FCAR: variants seen among roughly 807,000 people sequenced by gnomAD.
FCAR encodes the protein Fc alpha receptor.
Under a neutral mutation model 27.1 loss-of-function variants are expected in FCAR, and 21 were observed. That is an observed-to-expected ratio of 0.77 (90% confidence interval 0.55 to 1.11). The LOEUF is 1.11. Among genes scored for constraint, FCAR ranks in the 50% most tolerant of loss-of-function variants. The pLI is 0.00. For synonymous variants in FCAR, 134 were observed against 135.8 expected (o/e 0.99, Z 0.09); for missense variants, 404 against 358.4 (o/e 1.13, Z -1.03).
At chr19:54,885,171 A>G in intron 2 of FCAR, 64 bp from the exon 3 acceptor site, 1 of 1,378,732 alleles carries the variant, frequency 7.3e-7, no homozygotes, top group Non-Finnish European at 1.0e-6. Flanking sequence ...CTTCTCCCAC[A>G]GAGAAGGAAA....
chr19:54,887,412 G>A (rs937319789), intron 3 of FCAR, among the ~76,000 whole-genome samples: 1 of 152,160 alleles, frequency 6.6e-6, no homozygotes, highest in Non-Finnish European at 1.5e-5. Context: ...CCTGAGGTCA[G>A]GGATTCAAGA....
rs2065973207 is a variant in FCAR, at chr19:54,874,298, C to A, written c.9C>A (p.Pro3=). 1 of 1,613,996 alleles carries A rather than the reference C, an allele frequency of 6.2e-7. No individual in the cohort carries two copies. Among genetic ancestry groups the A allele is most frequent in the Admixed American group, 1.7e-5 (1 of 60,002 alleles). Residue 3 remains proline (P), a synonymous_variant, in exon 1 of 5, where the codon CCC becomes CCA. Coordinates refer to ENST00000355524, the MANE Select transcript of FCAR (RefSeq NM_002000.4). MD[P]KQTTLLCLVL... is the part of the protein sequence containing the mutation. The stretch of plus-strand genomic sequence containing the variant: ...GAGGCCGTGTCAGCACGATGGACCC[C>A]AAACAGACCACCCTCCTGTGTCTTG...
chr19:54,887,944 T>G (rs7258679), intron 3 of FCAR, 63 bp from the exon 4 acceptor site: 657,917 of 1,172,226 alleles, frequency 0.56, 190,177 homozygotes, highest in Admixed American at 0.67. Context: ...ATAACAATAA[T>G]AAGAAGAAGA....
chr19:54,877,779 T>C (rs2066177163), intron 2 of FCAR, among the ~76,000 whole-genome samples: 1 of 152,282 alleles, frequency 6.6e-6, no homozygotes, highest in Admixed American at 6.5e-5. Flanking sequence ...TCCCAGAGAT[T>C]CTGCTATATT....
intron 2 of FCAR, among the ~76,000 whole-genome samples, chr19:54,879,036 G>A (rs1316277205): frequency 7.3e-6 from 1 of 137,656 alleles, no homozygotes; most frequent in Admixed American, 7.5e-5. Context: ...GTACCACCAC[G>A]CCCAGCTATT....
chr19:54,874,414 T>C, intron 1 of FCAR, 91 bp downstream of exon 1: 5 of 1,279,434 alleles, frequency 3.9e-6, no homozygotes, highest in African/African-American at 1.5e-5. Flanking sequence ...TAGGAGATTT[T>C]AGTGGCTGCC....
intron 2 of FCAR, among the ~76,000 whole-genome samples, chr19:54,883,602 A>G (rs587683362): frequency 5.9e-5 from 9 of 152,260 alleles, no homozygotes; most frequent in Admixed American, 3.9e-4. Flanking sequence ...TAACGTGGTG[A>G]GTCCTTCTCA....
intron 2 of FCAR, among the ~76,000 whole-genome samples, chr19:54,876,436 C>T (rs1569530381): frequency 6.6e-6 from 1 of 152,134 alleles, no homozygotes; most frequent in East Asian, 1.9e-4. Context: ...CCAGCTTTTG[C>T]CCATTCAATA....
At chr19:54,883,456 G>A (rs587739422) in intron 2 of FCAR, among the ~76,000 whole-genome samples, 1 of 152,226 alleles carries the variant, frequency 6.6e-6, no homozygotes, top group South Asian at 2.1e-4. Flanking sequence ...GGCATGGTGG[G>A]CAGACAGGCT....
chr19:54,889,371 C>CAAAAA (rs764886901), intron 4 of FCAR, among the ~76,000 whole-genome samples: 3 of 77,630 alleles, frequency 3.9e-5, no homozygotes, highest in Non-Finnish European at 5.0e-5. Context: ...GACTCCATCT[C>CAAAAA]AAAAAAAAAA....
intron 3 of FCAR, among the ~76,000 whole-genome samples, chr19:54,886,608 C>T (rs911684591): frequency 4.0e-5 from 6 of 151,540 alleles, no homozygotes; most frequent in African/African-American, 7.3e-5. Context: ...GCCCGGCCCC[C>T]GAAAATGCTG....
rs139637536 is a variant in FCAR, at chr19:54,888,795, C to T, written c.649+501C>T. On this transcript the variant is annotated intron_variant, in intron 4 of 4. Coordinates refer to ENST00000355524, the MANE Select transcript of FCAR (RefSeq NM_002000.4). ...TGCTGGGATTACAGGCGTGAGCCAC[C>T]GCGCCTGGCCAGGCTGCACACATTC... is the stretch of plus-strand genomic sequence containing the variant. 787 of 995,166 alleles carry T rather than the reference C, an allele frequency of 7.9e-4. 4 individuals carry two copies. The East Asian group carries it at 0.023, about 29-fold the overall frequency. The allele number at this position is 995,166 out of a possible 1,614,324, so 61.6% of individuals were successfully genotyped here.
intron 2 of FCAR, among the ~76,000 whole-genome samples, chr19:54,884,226 T>G (rs1373633328): frequency 6.6e-6 from 1 of 152,226 alleles, no homozygotes. Context: ...GCCATCTCAC[T>G]GCTCCCACGC....
intron 2 of FCAR, among the ~76,000 whole-genome samples, chr19:54,883,718 G>A (rs1250508879): frequency 6.6e-6 from 1 of 152,112 alleles, no homozygotes; most frequent in Non-Finnish European, 1.5e-5. Flanking sequence ...ACTTTAGGAG[G>A]CCGAGATGGG....
intron 3 of FCAR, among the ~76,000 whole-genome samples, 169 bp downstream of exon 3, chr19:54,885,694 G>C (rs975038808): frequency 3.3e-5 from 5 of 152,216 alleles, no homozygotes; most frequent in African/African-American, 1.2e-4. Flanking sequence ...TCTTACATTA[G>C]TATGGCACAT....
In FCAR at chr19:54,889,631, C is replaced by T. The variant is rs1449208704; in HGVS notation, c.650-18C>T. Reference sequence around the variant, plus strand: ...AACACAACCACCAACCATTCATCTCCTTGAATTGTGTCTCCAGACTCCATC... The same window carrying T: ...AACACAACCACCAACCATTCATCTCTTTGAATTGTGTCTCCAGACTCCATC... On this transcript the variant is annotated intron_variant, in intron 4 of 4. Coordinates refer to ENST00000355524, the MANE Select transcript of FCAR (RefSeq NM_002000.4). 1.9e-6 allele frequency: 3 copies of T among 1,601,194 alleles called. No homozygotes were observed. The highest frequency in any genetic ancestry group is 2.6e-6 in the Non-Finnish European group (3 of 1,168,344).
At position 54,890,165 on chromosome 19, in the gene FCAR, G is replaced by A; in HGVS notation, c.*302G>A. 2.5e-6 allele frequency: 1 copy of A among 392,928 alleles called. No homozygotes were observed. The highest frequency in any genetic ancestry group is 4.7e-6 in the Non-Finnish European group (1 of 212,034). 24.3% of individuals were successfully genotyped at this position (392,928 alleles called of 1,614,324 possible). On this transcript the variant is annotated 3_prime_UTR_variant, in exon 5 of 5. Transcript: ENST00000355524. ...GATGGGGTTTCACTGTGTTGGCCAG[G>A]CTGGTCTCGAACTCCTGACCTCAGG...
intron 1 of FCAR, among the ~76,000 whole-genome samples, chr19:54,875,068 G>A (rs981109427): frequency 1.3e-5 from 2 of 151,996 alleles, no homozygotes; most frequent in East Asian, 1.9e-4. Flanking sequence ...CTACTCGTGC[G>A]GCTGAGGCAG....
At position 54,885,963 on chromosome 19, in the gene FCAR, A is replaced by G. The variant is rs587679911; in HGVS notation, c.361+438A>G. Among the ~76,000 whole-genome samples the G allele has an allele frequency of 2.6e-5, 4 of 151,390 alleles. 1 individual carries two copies. Among genetic ancestry groups the G allele is most frequent in the South Asian group, 4.2e-4 (2 of 4,786 alleles). On this transcript the variant is annotated intron_variant, in intron 3 of 4. Transcript: ENST00000355524. ...CCCCGTCTCTACTGAAAATGCAACA[A>G]TCGCTGGGCGCGGTGGCTCACGCCT...
Sources: allele counts gnomAD v4.1 joint callset (sites outside exome capture counted in the v4.1 genomes callset), GRCh38; gene constraint gnomAD v4.1.1; transcripts MANE v1.5; gene names NCBI Gene and HGNC (gene_info 2026-07-23, HGNC 2026-07-21).